Variants in CES4A observed in about 807,000 individuals in gnomAD.
The protein encoded by CES4A is carboxylesterase 4A, also known as carboxylesterase 6.
In CES4A, 48 loss-of-function variants were observed where a neutral mutation model predicts 65.4. The ratio of observed to expected loss-of-function variants is 0.73; its 90% CI spans 0.58 to 0.93. The LOEUF is 0.93. CES4A is among the 40% of genes least tolerant of loss of function. The probability of loss-of-function intolerance (pLI) is 0.00; values close to 1 mark genes in which losing one functional copy is unlikely to be tolerated. For missense variants in CES4A, 685 were observed against 728.5 expected (o/e 0.94, Z 0.69); for synonymous variants, 247 against 281.8 (o/e 0.88, Z 1.24).
intron 9 of CES4A, 83 bp from the exon 10 acceptor site, chr16:67,004,710 C>A: frequency 9.0e-7 from 1 of 1,107,886 alleles, no homozygotes; most frequent in Non-Finnish European, 1.3e-6. Flanking sequence ...ATGGGCAAGA[C>A]CTTTGGGGCC....
At chr16:67,002,751 G>A (rs2145640320) in intron 5 of CES4A, among the ~76,000 whole-genome samples, 1 of 152,148 alleles carries the variant, frequency 6.6e-6, no homozygotes, top group African/African-American at 2.4e-5. Context: ...TAACAACCTG[G>A]GGAAACCATG....
chr16:66,992,154 C>G lies in CES4A; in HGVS notation c.58+3324C>G, dbSNP rs573461732. On this transcript the variant is annotated intron_variant, in intron 1 of 13. Coordinates refer to ENST00000648724, the Ensembl canonical transcript of CES4A. The stretch of plus-strand genomic sequence containing the variant: ...AGACTGCAGGCTGGTCACGGCCCCC[C>G]TCTGGGTCTTTGGGCCTCCCCCAGC... Among the ~76,000 whole-genome samples the G allele has an allele frequency of 1.2e-3, 183 of 152,346 alleles. 1 individual carries two copies. The South Asian group carries it at 0.019, about 16-fold the overall frequency.
chr16:66,996,036 T>C, intron 2 of CES4A: 1 of 686,450 alleles, frequency 1.5e-6, no homozygotes, highest in South Asian at 1.5e-5. Context: ...TGTTGGTTTT[T>C]GTTTTTGTTT....
In CES4A at chr16:67,003,688, TA is replaced by T. The variant is rs1965527728; in HGVS notation, c.939+138del. The T allele has an allele frequency of 2.8e-6, 2 of 723,806 alleles. No individual in the cohort carries two copies. The highest frequency in any genetic ancestry group is 4.9e-6 in the Non-Finnish European group (2 of 409,702). The allele number at this position is 723,806 out of a possible 1,614,324, so 44.8% of individuals were successfully genotyped here. A position where few individuals can be genotyped will look rare whatever the true frequency, so the allele number is the denominator to read the frequency against. ...CTGATGTTCCAGTGGGGAAGGAGAATAAACCCTATAAATAAATATATTATCC... is the reference window on the plus strand; with the variant it reads ...CTGATGTTCCAGTGGGGAAGGAGAATAACCCTATAAATAAATATATTATCC... On this transcript the variant is annotated intron_variant, in intron 8 of 13. Coordinates refer to ENST00000648724, the Ensembl canonical transcript of CES4A. The surrounding 1 kb of genome is among the most constrained non-coding windows in gnomAD (Gnocchi z 4.2).
exon 9 of CES4A, chr16:67,004,119 G>A (rs754850275): frequency 6.2e-7 from 1 of 1,614,140 alleles, no homozygotes. Flanking sequence ...TGGATGGTGT[G>A]GTGATCCCAG....
chr16:66,994,070 C>T (rs1176364403), intron 1 of CES4A, among the ~76,000 whole-genome samples: 3 of 151,464 alleles, frequency 2.0e-5, no homozygotes, highest in Non-Finnish European at 4.4e-5. Context: ...CACTGCACTC[C>T]AGCCTGGGCG....
At chr16:66,997,911 A>G (rs1291718278) in intron 2 of CES4A, among the ~76,000 whole-genome samples, 1 of 151,344 alleles carries the variant, frequency 6.6e-6, no homozygotes, top group Non-Finnish European at 1.5e-5. Flanking sequence ...CGTGCCACTC[A>G]CACTTAGCCT....
Position 67,000,843 on chromosome 16 carries a change from C to A in CES4A, c.403-14C>A, listed in dbSNP as rs759288725. 1.3e-6 allele frequency: 2 copies of A among 1,574,578 alleles called. No individual in the cohort carries two copies. Among genetic ancestry groups the A allele is most frequent in the South Asian group, 2.3e-5 (2 of 86,080 alleles). On this transcript the variant is annotated splice_polypyrimidine_tract_variant and intron_variant, in intron 3 of 13. Transcript: ENST00000648724. This position sits in a 1 kb window ranked among gnomAD's most constrained non-coding sequence, Gnocchi z 4.2. ...GCCCACCGCCCCGCTCAGATCCCGGCCTTCTTCGTCCAGGTGATGGTCTGG... is the reference window on the plus strand; with the variant it reads ...GCCCACCGCCCCGCTCAGATCCCGGACTTCTTCGTCCAGGTGATGGTCTGG...
rs1317428292 is a variant in CES4A, at chr16:67,003,342, G to T, written c.882G>T (p.Met294Ile). The change falls in exon 7 of 14, where the codon ATG becomes ATT. Residue 294 changes from methionine (M) to isoleucine (I), a missense_variant. Physicochemically the swap from Met to Ile is conservative, Grantham distance 10. Coordinates refer to ENST00000648724, the Ensembl canonical transcript of CES4A. The surrounding 1 kb of genome is among the most constrained non-coding windows in gnomAD (Gnocchi z 4.2). The stretch of plus-strand genomic sequence containing the variant: ...GGGCACTATCAGGGACCAAGGTGAT[G>T]CGTGTGTCCAACAAGATGGTAGGTA... 6.2e-7 allele frequency: 1 copy of T among 1,614,014 alleles called. No homozygotes were observed. The highest frequency in any genetic ancestry group is 1.1e-5 in the South Asian group (1 of 91,072).
chr16:67,004,811 A>C, exon 10 of CES4A: 1 of 1,536,092 alleles, frequency 6.5e-7, no homozygotes, highest in African/African-American at 1.4e-5. Flanking sequence ...GTTCCCGCTA[A>C]ACCGGCAGGC....
intron 10 of CES4A, 52 bp from the exon 11 acceptor site, chr16:67,005,188 C>T (rs1487621594): frequency 6.3e-7 from 1 of 1,596,316 alleles, no homozygotes; most frequent in African/African-American, 1.3e-5. Context: ...GTGGGCCCAC[C>T]TCTGGCCCAG....
rs1392340722 is a variant in CES4A at position 67,001,324 on chromosome 16, G to A, written c.553G>A (p.Ala185Thr). 1 of 1,609,702 alleles carries A rather than the reference G, an allele frequency of 6.2e-7. No individual in the cohort carries two copies. The highest frequency in any genetic ancestry group is 8.5e-7 in the Non-Finnish European group (1 of 1,177,968). ...CACGCCCAGCACGGACGACAGCCAC[G>A]CGCGCGGGAACTGGGGGCTGCTGGA... Residue 185 changes from alanine to threonine, a missense_variant, in exon 5 of 14, where the codon GCG becomes ACG. Physicochemically the swap from Ala to Thr is moderately conservative, Grantham distance 58. Coordinates refer to ENST00000648724, the Ensembl canonical transcript of CES4A. This position sits in a 1 kb window ranked among gnomAD's most constrained non-coding sequence, Gnocchi z 4.1.
At chr16:66,993,317 C>A (rs1189192182) in intron 1 of CES4A, among the ~76,000 whole-genome samples, 2 of 152,226 alleles carry the variant, frequency 1.3e-5, no homozygotes, top group Admixed American at 6.5e-5. Flanking sequence ...GCATTTTACT[C>A]TTCTGTTTCT....
intron 2 of CES4A, among the ~76,000 whole-genome samples, chr16:66,998,046 C>T (rs1964998584): frequency 6.6e-6 from 1 of 150,922 alleles, no homozygotes. Flanking sequence ...AGATGTTCCA[C>T]GTGGAGGGGC....
In CES4A at chr16:67,003,992, G is replaced by C. The variant is rs1965549691; in HGVS notation, c.940-92G>C. ...AGCCTTTTCCCAATCAAAGAACCTA[G>C]GCTAGAGCAGCCTCTGAAGGGGCAC... is the stretch of plus-strand genomic sequence containing the variant. On this transcript the variant is annotated intron_variant, in intron 8 of 13. Transcript: ENST00000648724. This position sits in a 1 kb window ranked among gnomAD's most constrained non-coding sequence, Gnocchi z 4.2. The C allele has an allele frequency of 7.4e-6, 10 of 1,345,518 alleles. No individual in the cohort carries two copies. The highest frequency in any genetic ancestry group is 9.5e-6 in the Non-Finnish European group (9 of 950,782). 83.3% of individuals were successfully genotyped at this position (1,345,518 alleles called of 1,614,324 possible).
chr16:66,995,683 A>C, exon 2 of CES4A: 1 of 1,614,210 alleles, frequency 6.2e-7, no homozygotes, highest in South Asian at 1.1e-5. Context: ...CCCTGCAAGG[A>C]AAACAGATGC....
intron 1 of CES4A, among the ~76,000 whole-genome samples, chr16:66,992,655 T>C (rs1457429707): frequency 6.6e-6 from 1 of 152,122 alleles, no homozygotes; most frequent in East Asian, 1.9e-4. Context: ...CAATTTAGTT[T>C]GGGTTTTTGT....
intron 13 of CES4A, 27 bp downstream of exon 13, chr16:67,006,844 G>C (rs1280275704): frequency 6.2e-7 from 1 of 1,607,074 alleles, no homozygotes; most frequent in Non-Finnish European, 8.5e-7. Context: ...GCACATCTGG[G>C]CATTCTACCT....
chr16:66,992,423 C>T (rs975308434), intron 1 of CES4A, among the ~76,000 whole-genome samples: 1 of 152,178 alleles, frequency 6.6e-6, no homozygotes, highest in Non-Finnish European at 1.5e-5. Flanking sequence ...TGCTCTATTG[C>T]ATCAATTCCA....
Sources: gnomAD v4.1 joint callset for allele counts (sites outside exome capture counted in the v4.1 genomes callset) on GRCh38, gnomAD v4.1.1 for gene constraint, Gnocchi (gnomAD v3.1) non-coding constraint, MANE v1.5 for transcripts, NCBI Gene and HGNC (gene_info 2026-07-23, HGNC 2026-07-21) for gene names.